ZNF804A: variants seen among roughly 807,000 people sequenced by gnomAD.
The protein encoded by ZNF804A is zinc finger protein 804A.
In ZNF804A, 2 loss-of-function variants were observed where a neutral mutation model predicts 16.5. The ratio of observed to expected loss-of-function variants is 0.12; its 90% CI spans 0.05 to 0.38. The LOEUF is 0.38. ZNF804A is among the 10% of genes least tolerant of loss of function. The probability of loss-of-function intolerance (pLI) is 0.99; values close to 1 mark genes in which losing one functional copy is unlikely to be tolerated. For synonymous variants in ZNF804A, 534 were observed against 489.6 expected, an observed-to-expected ratio of 1.09 and a Z score of -1.20; for missense variants, 1,473 against 1,390.7, an observed-to-expected ratio of 1.06 and a Z score of -0.94.
intron 1 of ZNF804A, among the ~76,000 whole-genome samples, chr2:184,797,713 G>A (rs755583083): frequency 3.4e-4 from 51 of 151,956 alleles, no homozygotes; most frequent in Non-Finnish European, 5.7e-4. Flanking sequence ...GTGAGGTACT[G>A]TTGCATTCAT....
At chr2:184,603,749 C>A (rs1200349918) in intron 1 of ZNF804A, among the ~76,000 whole-genome samples, 1 of 152,144 alleles carries the variant, frequency 6.6e-6, no homozygotes, top group African/African-American at 2.4e-5. Context: ...TTATAAACTT[C>A]TTCACACAAG....
rs111733564 is a variant in ZNF804A, at chr2:184,675,508, A to C, written c.111+76438A>C. On this transcript the variant is annotated intron_variant, in intron 1 of 3. Coordinates refer to ENST00000302277, the MANE Select transcript of ZNF804A (RefSeq NM_194250.2). ...AATAAACGGTAAGTTAAATCACTGC[A>C]TGTAGAGCAAAACCTGAGATACCTA... is the stretch of plus-strand genomic sequence containing the variant. Among the ~76,000 whole-genome samples the C allele has an allele frequency of 4.0e-3, 608 of 151,936 alleles. 1 individual carries two copies. The highest frequency in any genetic ancestry group is 7.1e-3 in the Non-Finnish European group (480 of 67,690).
At chr2:184,853,229 T>C (rs971385107) in intron 1 of ZNF804A, among the ~76,000 whole-genome samples, 1 of 151,928 alleles carries the variant, frequency 6.6e-6, no homozygotes, top group Non-Finnish European at 1.5e-5. Context: ...TGTTGGATTG[T>C]TCATTATTAT....
intron 1 of ZNF804A, among the ~76,000 whole-genome samples, chr2:184,734,427 T>A (rs1328602030): frequency 2.0e-5 from 3 of 152,228 alleles, no homozygotes; most frequent in Non-Finnish European, 4.4e-5. Flanking sequence ...ATGACTTATG[T>A]GTTATTTAGA....
chr2:184,664,938 G>C (rs9288106), intron 1 of ZNF804A, among the ~76,000 whole-genome samples: 1,698 of 152,016 alleles, frequency 0.011, 37 homozygotes, highest in African/African-American at 0.039. Context: ...AAAAACCAGC[G>C]TAGTATACTA....
At chr2:184,814,981 A>G (rs900509693) in intron 1 of ZNF804A, among the ~76,000 whole-genome samples, 3 of 152,144 alleles carry the variant, frequency 2.0e-5, no homozygotes, top group Non-Finnish European at 4.4e-5. Flanking sequence ...CTCAACTCTG[A>G]GTTTTGCTTT....
chr2:184,615,570 T>TC (rs1691306130), intron 1 of ZNF804A, among the ~76,000 whole-genome samples: 1 of 152,182 alleles, frequency 6.6e-6, no homozygotes, highest in Non-Finnish European at 1.5e-5. Context: ...AAATGATGCC[T>TC]CTGTTTCTAT....
intron 1 of ZNF804A, among the ~76,000 whole-genome samples, chr2:184,665,392 G>T (rs1174656113): frequency 1.3e-5 from 2 of 152,166 alleles, no homozygotes; most frequent in African/African-American, 4.8e-5. Context: ...AAAAATATCA[G>T]TTCTTCACCT....
At chr2:184,632,338 C>T (rs1050761102) in intron 1 of ZNF804A, among the ~76,000 whole-genome samples, 3 of 152,092 alleles carry the variant, frequency 2.0e-5, no homozygotes, top group East Asian at 1.9e-4. Flanking sequence ...ACCTTTAATG[C>T]GTACTTTGGC....
intron 1 of ZNF804A, among the ~76,000 whole-genome samples, chr2:184,796,243 G>T (rs1694628327): frequency 6.6e-6 from 1 of 152,060 alleles, no homozygotes; most frequent in Non-Finnish European, 1.5e-5. Flanking sequence ...AAATGATTTA[G>T]GGAGGATTCG....
chr2:184,849,028 T>C (rs1695563508), intron 1 of ZNF804A, among the ~76,000 whole-genome samples: 1 of 151,846 alleles, frequency 6.6e-6, no homozygotes, highest in African/African-American at 2.4e-5. Flanking sequence ...GGAAAACAAA[T>C]ATACTGCTAT....
At chr2:184,670,131 G>C (rs1373244450) in intron 1 of ZNF804A, among the ~76,000 whole-genome samples, 1 of 152,050 alleles carries the variant, frequency 6.6e-6, no homozygotes, top group East Asian at 1.9e-4. Flanking sequence ...TATTGCCTAA[G>C]AAGTCTTTTG....
At chr2:184,897,013 C>T (rs933107541) in intron 2 of ZNF804A, among the ~76,000 whole-genome samples, 1 of 151,932 alleles carries the variant, frequency 6.6e-6, no homozygotes. Context: ...ACTTGAATTC[C>T]TAGAATAGGT....
chr2:184,749,715 G>T (rs1303439845), intron 1 of ZNF804A, among the ~76,000 whole-genome samples: 1 of 151,226 alleles, frequency 6.6e-6, no homozygotes, highest in African/African-American at 2.4e-5. Flanking sequence ...TTTTTTGGAT[G>T]TAAGAAATGA....
intron 1 of ZNF804A, among the ~76,000 whole-genome samples, chr2:184,713,491 T>C (rs369922320): frequency 6.6e-6 from 1 of 151,954 alleles, no homozygotes; most frequent in Non-Finnish European, 1.5e-5. Flanking sequence ...TGAGTGATAA[T>C]AGGTTGTATA....
intron 1 of ZNF804A, among the ~76,000 whole-genome samples, chr2:184,660,928 AT>A (rs1418372798): frequency 3.3e-5 from 5 of 152,268 alleles, no homozygotes; most frequent in Non-Finnish European, 7.3e-5. Context: ...TCTCATTAAT[AT>A]TGAGTATGTC....
intron 2 of ZNF804A, among the ~76,000 whole-genome samples, chr2:184,912,532 T>A (rs73980338): frequency 5.8e-4 from 88 of 152,220 alleles, no homozygotes; most frequent in African/African-American, 2.0e-3. Flanking sequence ...GCCAAACTAT[T>A]TCAACAGTGG....
intron 1 of ZNF804A, among the ~76,000 whole-genome samples, chr2:184,787,083 A>G (rs552441834): frequency 1.6e-4 from 25 of 151,960 alleles, no homozygotes; most frequent in African/African-American, 6.0e-4. Flanking sequence ...GTTGTACCCA[A>G]TAGGTAATTT....
At chr2:184,777,436 C>G (rs1694305829) in intron 1 of ZNF804A, among the ~76,000 whole-genome samples, 1 of 151,434 alleles carries the variant, frequency 6.6e-6, no homozygotes, top group South Asian at 2.1e-4. Flanking sequence ...TTTTCCTTCC[C>G]TATTGGTTTA....
Sources: allele counts gnomAD v4.1 joint callset (sites outside exome capture counted in the v4.1 genomes callset), GRCh38; gene constraint gnomAD v4.1.1; transcripts MANE v1.5; gene names NCBI Gene and HGNC (gene_info 2026-07-23, HGNC 2026-07-21).